Variants in GPHN observed in about 807,000 individuals in gnomAD.
GPHN encodes gephyrin.
In GPHN, 17 loss-of-function variants were observed where a neutral mutation model predicts 95.5. The ratio of observed to expected loss-of-function variants is 0.18; its 90% CI spans 0.12 to 0.27. The LOEUF (loss-of-function observed/expected upper bound fraction) is 0.27. GPHN is among the 10% of genes least tolerant of loss of function. The pLI is 1.00. For synonymous variants in GPHN, 320 were observed against 322.5 expected (o/e 0.99, Z 0.08); for missense variants, 660 against 978.1 (o/e 0.67, Z 4.34).
At chr14:67,417,608 AT>A in the GPHN span, among the ~76,000 whole-genome samples, 8 of 151,156 alleles carry the variant, frequency 5.3e-5, no homozygotes, top group Non-Finnish European at 1.0e-4. Flanking sequence ...ATTAAAAAAA[AT>A]TTTTTTTTGT....
At chr14:67,226,147 C>A in the GPHN span, among the ~76,000 whole-genome samples, 1 of 152,092 alleles carries the variant, frequency 6.6e-6, no homozygotes, top group Admixed American at 6.6e-5. Flanking sequence ...GCCACCAAAG[C>A]CAGCTTAGCA....
At chr14:67,308,690 T>C in the GPHN span, among the ~76,000 whole-genome samples, 1 of 151,906 alleles carries the variant, frequency 6.6e-6, no homozygotes. Flanking sequence ...GGATTACAGC[T>C]ACCCTGTACC....
At chr14:66,539,374 C>T (rs2059262987) in intron 1 of GPHN, among the ~76,000 whole-genome samples, 2 of 149,272 alleles carry the variant, frequency 1.3e-5, no homozygotes, top group South Asian at 4.3e-4. Context: ...AGTTTTCAGA[C>T]TACTGCATGA....
At chr14:66,832,483 G>T (rs78390303) in intron 4 of GPHN, among the ~76,000 whole-genome samples, 1 of 152,098 alleles carries the variant, frequency 6.6e-6, no homozygotes, top group African/African-American at 2.4e-5. Context: ...TAAAAATAAG[G>T]ACTTGTCTTG....
At chr14:67,215,939 C>T in the GPHN span, among the ~76,000 whole-genome samples, 1 of 152,102 alleles carries the variant, frequency 6.6e-6, no homozygotes. Context: ...ATGCCCTAAA[C>T]CATTAGATTC....
chr14:67,144,264 T>TATATATATATATAC (rs2080742571), intron 18 of GPHN, among the ~76,000 whole-genome samples: 2 of 83,134 alleles, frequency 2.4e-5, no homozygotes, highest in African/African-American at 1.5e-4. Context: ...TATATATATA[T>TATATATATATATAC]ATATATATAT....
chr14:66,570,444 A>AC (rs1420027864), intron 1 of GPHN, among the ~76,000 whole-genome samples: 3 of 151,912 alleles, frequency 2.0e-5, no homozygotes, highest in Admixed American at 1.3e-4. Context: ...AGCTGGGATT[A>AC]CCGGTGCCTA....
chr14:67,249,796 G>A, the GPHN span, among the ~76,000 whole-genome samples: 1 of 152,168 alleles, frequency 6.6e-6, no homozygotes, highest in Non-Finnish European at 1.5e-5. Flanking sequence ...ACATTATTTT[G>A]TTTTGATGTA....
chr14:66,855,646 G>A (rs776696252), intron 4 of GPHN, among the ~76,000 whole-genome samples: 1 of 152,084 alleles, frequency 6.6e-6, no homozygotes. Flanking sequence ...TATGCACTTA[G>A]GAATGGAAAT....
chr14:67,344,182 T>G, the GPHN span, among the ~76,000 whole-genome samples: 1 of 152,346 alleles, frequency 6.6e-6, no homozygotes, highest in Non-Finnish European at 1.5e-5. Flanking sequence ...CCAATGATTG[T>G]GACCTCTGTA....
the GPHN span, among the ~76,000 whole-genome samples, chr14:67,253,284 A>T: frequency 6.6e-6 from 1 of 152,250 alleles, no homozygotes; most frequent in African/African-American, 2.4e-5. Context: ...TCAATGTTAG[A>T]TAAGAGATAG....
intron 17 of GPHN, among the ~76,000 whole-genome samples, chr14:67,141,457 A>G (rs890399245): frequency 6.6e-5 from 10 of 152,214 alleles, no homozygotes; most frequent in African/African-American, 2.4e-4. Context: ...CATAGCAGCA[A>G]TAGTAATGAC....
At chr14:67,665,262 T>G in the GPHN span, among the ~76,000 whole-genome samples, 3 of 111,016 alleles carry the variant, frequency 2.7e-5, no homozygotes, top group East Asian at 9.3e-4. Context: ...GTTATATCTT[T>G]TTTTTTTTTT....
intron 10 of GPHN, among the ~76,000 whole-genome samples, chr14:67,048,514 T>C (rs1185498037): frequency 2.0e-5 from 3 of 152,206 alleles, no homozygotes; most frequent in Non-Finnish European, 4.4e-5. Flanking sequence ...AGTAAACCCA[T>C]TGCAGGGGAA....
chr14:67,642,400 A>C, the GPHN span: 1 of 1,607,984 alleles, frequency 6.2e-7, no homozygotes, highest in Non-Finnish European at 8.5e-7. Flanking sequence ...GGGATGGATT[A>C]CATGGTGCTT....
At chr14:67,661,267 T>C in the GPHN span, among the ~76,000 whole-genome samples, 22 of 105,480 alleles carry the variant, frequency 2.1e-4, 1 homozygote, top group East Asian at 6.2e-4. Flanking sequence ...CTTGCTTCTA[T>C]AGGGCTAGAG....
At chr14:66,974,315 G>A (rs1567169929) in intron 9 of GPHN, among the ~76,000 whole-genome samples, 1 of 152,000 alleles carries the variant, frequency 6.6e-6, no homozygotes, top group Non-Finnish European at 1.5e-5. Context: ...GTTCTGCTGG[G>A]TATGTAGGAT....
chr14:67,080,080 C>T (rs1241421644), intron 11 of GPHN, among the ~76,000 whole-genome samples: 1 of 152,020 alleles, frequency 6.6e-6, no homozygotes, highest in Non-Finnish European at 1.5e-5. Flanking sequence ...CATGCCAAAA[C>T]TTTTCTGGGT....
chr14:66,770,068 C>T (rs972455275), intron 2 of GPHN, among the ~76,000 whole-genome samples: 1 of 152,184 alleles, frequency 6.6e-6, no homozygotes, highest in African/African-American at 2.4e-5. Flanking sequence ...ATTTGCATCT[C>T]TCTAATGATC....
Sources: allele counts gnomAD v4.1 joint callset (sites outside exome capture counted in the v4.1 genomes callset), GRCh38; gene constraint gnomAD v4.1.1; transcripts MANE v1.5; gene names NCBI Gene and HGNC (gene_info 2026-07-23, HGNC 2026-07-21).